The following DDX25 variants were observed in gnomAD, a reference collection of about 807,000 sequenced individuals.
The protein encoded by DDX25 is ATP-dependent RNA helicase DDX25.
In DDX25, 70 loss-of-function variants were observed where a neutral mutation model predicts 64.6. That is an observed-to-expected ratio of 1.08 (90% confidence interval 0.89 to 1.32). DDX25 has a LOEUF of 1.32. Ranked by LOEUF, DDX25 falls within the 40% of genes most tolerant of loss-of-function variation. The pLI is 0.00. For missense variants in DDX25, 587 were observed against 604.4 expected, an observed-to-expected ratio of 0.97 and a Z score of 0.30; for synonymous variants, 211 against 213.3, an observed-to-expected ratio of 0.99 and a Z score of 0.09.
At position 125,918,776 on chromosome 11, in the gene DDX25, A is replaced by C; in HGVS notation, c.1187A>C (p.Asn396Thr). ...DGKEKVLITT[N>T]VCARGIDVKQ... Reference sequence around the variant, plus strand: ...AAAGAGAAGGTTCTCATAACAACTAATGTTTGTGCCCGAGGTGTGTGTTAA... The same window carrying C: ...AAAGAGAAGGTTCTCATAACAACTACTGTTTGTGCCCGAGGTGTGTGTTAA... The change falls in exon 10 of 12, where the codon AAT (asparagine) becomes ACT (threonine). Residue 396 changes from asparagine to threonine, a missense_variant. Coordinates refer to ENST00000263576, the MANE Select transcript of DDX25 (RefSeq NM_013264.5). 1 of 1,584,638 alleles carries C rather than the reference A, an allele frequency of 6.3e-7. No homozygotes were observed. The highest frequency in any genetic ancestry group is 8.6e-7 in the Non-Finnish European group (1 of 1,165,086).
intron 10 of DDX25, among the ~76,000 whole-genome samples, chr11:125,919,097 T>C (rs1054839604): frequency 1.3e-4 from 20 of 152,314 alleles, no homozygotes; most frequent in Non-Finnish European, 2.9e-5. Context: ...CTCGTAATAA[T>C]ACTAATGAAT....
intron 3 of DDX25, 103 bp downstream of exon 3, chr11:125,905,700 C>G: frequency 8.3e-7 from 1 of 1,204,218 alleles, no homozygotes; most frequent in Non-Finnish European, 1.2e-6. Context: ...AAAGGCCTGT[C>G]TTTGCTTCTG....
In DDX25 at chr11:125,908,308, G is replaced by T; in HGVS notation, c.404+20G>T. Reference sequence around the variant, plus strand: ...ACATCCGTGAGTTTCCAGGGTAGTGGTATTCTACTTGGTTATGTTTAGTTT... The same window carrying T: ...ACATCCGTGAGTTTCCAGGGTAGTGTTATTCTACTTGGTTATGTTTAGTTT... On this transcript the variant is annotated intron_variant, in intron 5 of 11. Transcript: ENST00000263576. 1 of 1,613,346 alleles carries T rather than the reference G, an allele frequency of 6.2e-7. No individual in the cohort carries two copies. The highest frequency in any genetic ancestry group is 2.2e-5 in the East Asian group (1 of 44,878).
Position 125,905,249 on chromosome 11 carries a change from G to C in DDX25, c.101G>C (p.Gly34Ala). Residue 34 changes from glycine (G) to alanine (A), a missense_variant, in exon 2 of 12, where the codon GGT (glycine) becomes GCT (alanine). Coordinates refer to ENST00000263576, the MANE Select transcript of DDX25 (RefSeq NM_013264.5). Reference sequence around the variant, plus strand: ...AGCCAACCCCGGAAGAACCTTTGGGGTATTAAGAGTACTGCAGTCCGAAAC... The same window carrying C: ...AGCCAACCCCGGAAGAACCTTTGGGCTATTAAGAGTACTGCAGTCCGAAAC... ...NLSQPRKNLW[G>A]IKSTAVRNID... 6.4e-7 allele frequency: 1 copy of C among 1,551,684 alleles called. No homozygotes were observed.
chr11:125,914,468 A>C (rs1306892242), intron 8 of DDX25, among the ~76,000 whole-genome samples: 1 of 152,172 alleles, frequency 6.6e-6, no homozygotes, highest in African/African-American at 2.4e-5. Flanking sequence ...TTTTGCCTCC[A>C]CTTTCTACTA....
Position 125,921,434 on chromosome 11 carries a change from T to C in DDX25, c.1390+55T>C, listed in dbSNP as rs758318747. The C allele has an allele frequency of 1.3e-6, 2 of 1,573,616 alleles. No individual in the cohort carries two copies. Among genetic ancestry groups the C allele is most frequent in the East Asian group, 4.5e-5 (2 of 44,172 alleles). On this transcript the variant is annotated intron_variant, in intron 11 of 11. Coordinates refer to ENST00000263576, the MANE Select transcript of DDX25 (RefSeq NM_013264.5). The surrounding 1 kb of genome is among the most constrained non-coding windows in gnomAD (Gnocchi z 4.1). ...TACAGACCTGCCGGTCTGACAGTGA[T>C]GATGTGTGCTGGAGAGCTGGAGTCC...
rs186986830 is a variant in DDX25, at chr11:125,922,895, T to C, written c.*14T>C. 2 of 1,598,514 alleles carry C rather than the reference T, an allele frequency of 1.3e-6. No individual in the cohort carries two copies. Among genetic ancestry groups the C allele is most frequent in the East Asian group, 4.5e-5 (2 of 44,684 alleles). On this transcript the variant is annotated 3_prime_UTR_variant, in exon 12 of 12. Coordinates refer to ENST00000263576, the MANE Select transcript of DDX25 (RefSeq NM_013264.5). ...ATTGACTATTGAAGAAAGAACTTTA[T>C]TGTTTGTGCAGTATCCTAGTTTATG...
In DDX25 at chr11:125,904,586, C is replaced by T; in HGVS notation, c.63+6C>T. On this transcript the variant is annotated splice_donor_region_variant and intron_variant, in intron 1 of 11. Transcript: ENST00000263576. ...GCGAGCGGCTGAACAGCCACGTAAC[C>T]GCCACCGAGCCGGGGGGCCACAGCC... is the stretch of plus-strand genomic sequence containing the variant. 1 of 1,480,742 alleles carries T rather than the reference C, an allele frequency of 6.8e-7. No homozygotes were observed. Among genetic ancestry groups the T allele is most frequent in the Non-Finnish European group, 9.0e-7 (1 of 1,115,642 alleles). 91.7% of individuals were successfully genotyped at this position (1,480,742 alleles called of 1,614,324 possible). A position where few individuals can be genotyped will look rare whatever the true frequency, so the allele number is the denominator to read the frequency against.
At chr11:125,922,634 C>G (rs898500633) in intron 11 of DDX25, 186 bp from the exon 12 acceptor site, 2 of 512,140 alleles carry the variant, frequency 3.9e-6, no homozygotes, top group Middle Eastern at 1.0e-3. Context: ...TACATACATT[C>G]CATGGTCTGG....
At position 125,925,571 on chromosome 11, in the gene DDX25, C is replaced by T. The variant is rs1945159683; in HGVS notation, c.*2690C>T. On this transcript the variant is annotated 3_prime_UTR_variant, in exon 12 of 12. Coordinates refer to ENST00000263576, the MANE Select transcript of DDX25 (RefSeq NM_013264.5). ...AGTAGATAGAGAGGCAAGGAAACAC[C>T]AGGTGATTTCAGTGCAACTGTGAGC... 2.4e-6 allele frequency: 1 copy of T among 416,592 alleles called. No homozygotes were observed. Among genetic ancestry groups the T allele is most frequent in the African/African-American group, 2.0e-5 (1 of 49,206 alleles). 25.8% of individuals were successfully genotyped at this position (416,592 alleles called of 1,614,324 possible).
At chr11:125,914,433 T>C (rs1945009613) in intron 8 of DDX25, among the ~76,000 whole-genome samples, 1 of 152,218 alleles carries the variant, frequency 6.6e-6, no homozygotes, top group African/African-American at 2.4e-5. Context: ...ATATTTTCAC[T>C]TGATCTCCTC....
chr11:125,907,417 G>A (rs533679859), intron 4 of DDX25, among the ~76,000 whole-genome samples: 5 of 152,230 alleles, frequency 3.3e-5, no homozygotes, highest in East Asian at 3.9e-4. Context: ...GACCATCCTG[G>A]CTAACACAGT....
At chr11:125,904,745 C>A in intron 1 of DDX25, 165 bp downstream of exon 1, 1 of 849,206 alleles carries the variant, frequency 1.2e-6, no homozygotes, top group Admixed American at 2.4e-5. Context: ...CAGAGGGAGA[C>A]CCCGTCCCCA....
intron 2 of DDX25, 33 bp downstream of exon 2, chr11:125,905,311 C>A: frequency 6.5e-7 from 1 of 1,548,874 alleles, no homozygotes; most frequent in South Asian, 1.2e-5. Context: ...AGAGCGACCT[C>A]AATGATTAAA....
At position 125,912,047 on chromosome 11, in the gene DDX25, T is replaced by A. The variant is rs543890252; in HGVS notation, c.800+559T>A. 6.2e-4 allele frequency among the ~76,000 whole-genome samples: 95 copies of A among 152,340 alleles called. 1 individual carries two copies. The South Asian group carries it at 0.012, about 20-fold the overall frequency. The stretch of plus-strand genomic sequence containing the variant: ...GGGATTTAGGAATCTGTATCACGTA[T>A]TTTTTAATGAAGTATTACATACTCA... On this transcript the variant is annotated intron_variant, in intron 8 of 11. Transcript: ENST00000263576.
rs1945157153 is a variant in DDX25, at chr11:125,925,245, T to TA, written c.*2365dup. On this transcript the variant is annotated 3_prime_UTR_variant, in exon 12 of 12. Coordinates refer to ENST00000263576, the MANE Select transcript of DDX25 (RefSeq NM_013264.5). ...AATCTCTGGTAAGATCTCCGCCAGTTACCCTCACAAATGTCCTCAGTAATT... is the reference window on the plus strand; with the variant it reads ...AATCTCTGGTAAGATCTCCGCCAGTTAACCCTCACAAATGTCCTCAGTAATT... 2.8e-6 allele frequency: 1 copy of TA among 358,444 alleles called. No individual in the cohort carries two copies. Among genetic ancestry groups the TA allele is most frequent in the East Asian group, 7.5e-5 (1 of 13,326 alleles). 22.2% of individuals were successfully genotyped at this position (358,444 alleles called of 1,614,324 possible). A position where few individuals can be genotyped will look rare whatever the true frequency, so the allele number is the denominator to read the frequency against.
chr11:125,926,298 GA>G lies in DDX25; in HGVS notation c.*3420del, dbSNP rs1454622612. The G allele has an allele frequency of 2.0e-5, 3 of 152,314 alleles. No homozygotes were observed. The highest frequency in any genetic ancestry group is 4.4e-5 in the Non-Finnish European group (3 of 68,118). The allele number at this position is 152,314 out of a possible 1,614,324, so 9.4% of individuals were successfully genotyped here. On this transcript the variant is annotated 3_prime_UTR_variant, in exon 12 of 12. Coordinates refer to ENST00000263576, the MANE Select transcript of DDX25 (RefSeq NM_013264.5). The stretch of plus-strand genomic sequence containing the variant: ...TACTGCTTTTCCCAAGGGAGTAACA[GA>G]AAGGTCAGATCCTCTTCAATCCTAA...
Position 125,928,477 on chromosome 11 carries a change from T to G in DDX25, c.*5596T>G, listed in dbSNP as rs1420637611. The G allele has an allele frequency of 6.6e-6, 1 of 152,226 alleles. No individual in the cohort carries two copies. The highest frequency in any genetic ancestry group is 1.5e-5 in the Non-Finnish European group (1 of 68,034). 9.4% of individuals were successfully genotyped at this position (152,226 alleles called of 1,614,324 possible). On this transcript the variant is annotated 3_prime_UTR_variant, in exon 12 of 12. Transcript: ENST00000263576. ...AATTATTTCTTAAGATTAGAGACAT[T>G]AAGTGCGAGTACCAGGTCGAAAACT... is the stretch of plus-strand genomic sequence containing the variant.
At chr11:125,917,888 T>A (rs1945059166) in intron 9 of DDX25, among the ~76,000 whole-genome samples, 1 of 152,212 alleles carries the variant, frequency 6.6e-6, no homozygotes, top group Non-Finnish European at 1.5e-5. Flanking sequence ...TTTTATTTTT[T>A]ATTTTTTTGT....
Sources: gnomAD v4.1 joint callset for allele counts (sites outside exome capture counted in the v4.1 genomes callset) on GRCh38, gnomAD v4.1.1 for gene constraint, Gnocchi (gnomAD v3.1) non-coding constraint, MANE v1.5 for transcripts, NCBI Gene and HGNC (gene_info 2026-07-23, HGNC 2026-07-21) for gene names.